The following CNTN4 variants were observed in gnomAD, a reference collection of about 807,000 sequenced individuals.
The protein encoded by CNTN4 is contactin 4.
In CNTN4, 77 loss-of-function variants were observed where a neutral mutation model predicts 122.5. The observed-to-expected ratio is 0.63, with a 90% CI of 0.52 to 0.76. The LOEUF (loss-of-function observed/expected upper bound fraction) is 0.76. CNTN4 is among the 30% of genes least tolerant of loss of function. The pLI, the probability that CNTN4 is intolerant of heterozygous loss-of-function variation, is 0.00. For missense variants in CNTN4, 1,256 were observed against 1,259.1 expected, an observed-to-expected ratio of 1.00 and a Z score of 0.04; for synonymous variants, 512 against 447.0, an observed-to-expected ratio of 1.15 and a Z score of -1.83.
chr3:2,267,914 C>A (rs2041117938), intron 2 of CNTN4, among the ~76,000 whole-genome samples: 1 of 151,650 alleles, frequency 6.6e-6, no homozygotes, highest in Non-Finnish European at 1.5e-5. Context: ...TCCTATGGAA[C>A]CTGTTGACTT....
At chr3:2,459,122 G>T (rs955970240) in intron 3 of CNTN4, among the ~76,000 whole-genome samples, 5 of 152,130 alleles carry the variant, frequency 3.3e-5, no homozygotes, top group African/African-American at 1.2e-4. Context: ...AAGGCAAGTG[G>T]CTTGCAGTCT....
chr3:2,880,868 G>A (rs933410363), intron 8 of CNTN4, among the ~76,000 whole-genome samples: 1 of 152,144 alleles, frequency 6.6e-6, no homozygotes, highest in Admixed American at 6.5e-5. Context: ...GATTAGAACT[G>A]TGATTTTTAA....
intron 3 of CNTN4, among the ~76,000 whole-genome samples, chr3:2,413,014 C>G (rs1290833893): frequency 6.6e-6 from 1 of 152,184 alleles, no homozygotes; most frequent in East Asian, 1.9e-4. Flanking sequence ...CAAGTATGTA[C>G]ATTATTTTTA....
At chr3:2,956,216 T>C (rs2094798104) in intron 13 of CNTN4, among the ~76,000 whole-genome samples, 1 of 152,146 alleles carries the variant, frequency 6.6e-6, no homozygotes, top group South Asian at 2.1e-4. Context: ...ATTGCACTTA[T>C]ATGAAGTACC....
intron 2 of CNTN4, among the ~76,000 whole-genome samples, chr3:2,189,292 G>A (rs1339407493): frequency 6.6e-6 from 1 of 152,106 alleles, no homozygotes; most frequent in African/African-American, 2.4e-5. Context: ...GAGGAGGTAG[G>A]GAGGAACAAG....
chr3:2,561,707 G>A (rs545374253), intron 3 of CNTN4, among the ~76,000 whole-genome samples: 1 of 152,192 alleles, frequency 6.6e-6, no homozygotes, highest in African/African-American at 2.4e-5. Context: ...GAGGCTAACA[G>A]AGGTTAAATG....
chr3:2,605,582 C>T (rs1324859075), intron 4 of CNTN4, among the ~76,000 whole-genome samples: 1 of 152,022 alleles, frequency 6.6e-6, no homozygotes, highest in East Asian at 1.9e-4. Flanking sequence ...GCTATTGCAG[C>T]AATCGATGTA....
At chr3:2,550,600 G>A (rs186448809) in intron 3 of CNTN4, among the ~76,000 whole-genome samples, 8 of 152,218 alleles carry the variant, frequency 5.3e-5, no homozygotes, top group South Asian at 2.1e-4. Context: ...CCATTACTGG[G>A]TATATACCCA....
intron 2 of CNTN4, among the ~76,000 whole-genome samples, chr3:2,103,152 C>T (rs1355223720): frequency 6.6e-6 from 1 of 151,178 alleles, no homozygotes; most frequent in Non-Finnish European, 1.5e-5. Flanking sequence ...GAACCAGGTT[C>T]TCTCACTCCA....
At chr3:2,644,041 G>GT (rs2083010503) in intron 4 of CNTN4, among the ~76,000 whole-genome samples, 2 of 152,278 alleles carry the variant, frequency 1.3e-5, no homozygotes, top group South Asian at 2.1e-4. Context: ...GACACTGTAA[G>GT]TAACTCTCAT....
chr3:2,886,653 A>G (rs996169471), intron 9 of CNTN4, among the ~76,000 whole-genome samples: 1 of 151,628 alleles, frequency 6.6e-6, no homozygotes, highest in East Asian at 2.0e-4. Flanking sequence ...CTCAGATTAC[A>G]GGCACCTGCC....
At chr3:2,171,511 G>C (rs1312469308) in intron 2 of CNTN4, among the ~76,000 whole-genome samples, 1 of 152,260 alleles carries the variant, frequency 6.6e-6, no homozygotes, top group East Asian at 1.9e-4. Context: ...TGAAATATTT[G>C]AATGGTGAAC....
At chr3:2,287,593 AC>A (rs1255214227) in intron 2 of CNTN4, among the ~76,000 whole-genome samples, 3 of 149,410 alleles carry the variant, frequency 2.0e-5, no homozygotes, top group African/African-American at 7.4e-5. Context: ...ACAGAGTGAG[AC>A]CCTGTCTAAA....
intron 12 of CNTN4, among the ~76,000 whole-genome samples, chr3:2,924,900 T>C (rs1035318097): frequency 2.0e-5 from 3 of 152,144 alleles, no homozygotes; most frequent in Admixed American, 1.3e-4. Context: ...AAAGCAGAGG[T>C]GGCGACCATA....
rs73805407 is a variant in CNTN4, at chr3:2,806,347, T to C, written c.359-13139T>C. ...AACGTCTTGAGATCAGGGACCATGT[T>C]GGATTCATCTTCACATTCCTCACAA... On this transcript the variant is annotated intron_variant, in intron 6 of 24. Coordinates refer to ENST00000418658, the MANE Select transcript of CNTN4 (RefSeq NM_175607.3). 8.6e-3 allele frequency among the ~76,000 whole-genome samples: 1,312 copies of C among 152,326 alleles called. 20 individuals carry two copies. Among genetic ancestry groups the C allele is most frequent in the African/African-American group, 0.03 (1,244 of 41,570 alleles).
intron 15 of CNTN4, among the ~76,000 whole-genome samples, chr3:3,028,504 C>CT (rs1227301635): frequency 6.6e-6 from 1 of 152,088 alleles, no homozygotes; most frequent in Non-Finnish European, 1.5e-5. Context: ...TCAAAATTTT[C>CT]TATTAATAGG....
intron 6 of CNTN4, among the ~76,000 whole-genome samples, chr3:2,796,006 C>T (rs544058961): frequency 1.6e-4 from 25 of 152,244 alleles, no homozygotes; most frequent in African/African-American, 5.8e-4. Context: ...TTATTAATCA[C>T]AGAAATATCT....
chr3:2,460,654 G>T (rs963575303), intron 3 of CNTN4, among the ~76,000 whole-genome samples: 1 of 152,082 alleles, frequency 6.6e-6, no homozygotes, highest in African/African-American at 2.4e-5. Flanking sequence ...TTCATGTTTC[G>T]CTTTGGGTAG....
intron 3 of CNTN4, among the ~76,000 whole-genome samples, chr3:2,495,655 A>G (rs1294781180): frequency 1.3e-5 from 2 of 152,134 alleles, no homozygotes; most frequent in South Asian, 2.1e-4. Context: ...TGCGAACCCT[A>G]TTGTGAACTG....
Sources: gnomAD v4.1 joint callset for allele counts (sites outside exome capture counted in the v4.1 genomes callset) on GRCh38, gnomAD v4.1.1 for gene constraint, MANE v1.5 for transcripts, NCBI Gene and HGNC (gene_info 2026-07-23, HGNC 2026-07-21) for gene names.